The following KCNK2 variants were observed in gnomAD, a reference collection of about 807,000 sequenced individuals.
KCNK2 encodes potassium channel subfamily K member 2.
KCNK2 carries 21 observed loss-of-function variants against 40.5 expected under a neutral mutation model. The ratio of observed to expected loss-of-function variants is 0.52; its 90% CI spans 0.37 to 0.75. The LOEUF (loss-of-function observed/expected upper bound fraction) is 0.75, where lower values mean the gene tolerates loss of function less well. Among genes scored for constraint, KCNK2 ranks in the 30% least tolerant of loss-of-function variants. The pLI is 0.00. For synonymous variants in KCNK2, 191 were observed against 202.2 expected (o/e 0.94, Z 0.47); for missense variants, 399 against 531.6 (o/e 0.75, Z 2.45).
chr1:215,174,313 C>T (rs1038116052), intron 5 of KCNK2, among the ~76,000 whole-genome samples: 107 of 152,222 alleles, frequency 7.0e-4, no homozygotes, highest in African/African-American at 2.4e-3. Flanking sequence ...GGGCTCTGTT[C>T]TGTTTCATTG....
intron 6 of KCNK2, among the ~76,000 whole-genome samples, chr1:215,201,311 T>A (rs1036148640): frequency 2.6e-5 from 4 of 152,120 alleles, no homozygotes; most frequent in African/African-American, 9.7e-5. Context: ...AATCGATGAA[T>A]AAAGTAACTA....
chr1:215,103,029 A>T (rs1265448176), intron 2 of KCNK2, among the ~76,000 whole-genome samples: 1 of 152,022 alleles, frequency 6.6e-6, no homozygotes, highest in Non-Finnish European at 1.5e-5. Context: ...AGAAATGTTT[A>T]TGAAAGTTGG....
chr1:215,147,213 C>G (rs1662458849), intron 3 of KCNK2, among the ~76,000 whole-genome samples: 1 of 152,130 alleles, frequency 6.6e-6, no homozygotes, highest in South Asian at 2.1e-4. Context: ...AACCTTGCAT[C>G]TATGACAGGG....
chr1:215,020,120 T>A (rs1035206565), intron 1 of KCNK2, among the ~76,000 whole-genome samples: 1 of 152,162 alleles, frequency 6.6e-6, no homozygotes, highest in Non-Finnish European at 1.5e-5. Context: ...AAACCTTTGG[T>A]AATTCGTTAG....
intron 1 of KCNK2, among the ~76,000 whole-genome samples, chr1:215,060,979 A>G (rs1350615614): frequency 6.6e-6 from 1 of 152,188 alleles, no homozygotes; most frequent in Non-Finnish European, 1.5e-5. Flanking sequence ...TGGATCACAC[A>G]ACTGTATTTT....
chr1:215,168,887 A>G (rs1017375904), intron 3 of KCNK2, among the ~76,000 whole-genome samples: 2 of 152,088 alleles, frequency 1.3e-5, no homozygotes, highest in African/African-American at 2.4e-5. Context: ...AAAAAGAAAT[A>G]TTTAATGAAA....
At chr1:215,105,199 G>A (rs1378949103) in intron 2 of KCNK2, among the ~76,000 whole-genome samples, 2 of 152,088 alleles carry the variant, frequency 1.3e-5, no homozygotes, top group African/African-American at 4.8e-5. Flanking sequence ...TTGCATGACT[G>A]AAACCCTATA....
chr1:215,083,201 C>CCCCCCCCCCCCCCCCT lies in KCNK2; in HGVS notation c.-183_-182insCCCCCCCCCCCCCTCC, dbSNP rs1659252674. ...TTTCGTTTCTTCTCACGCTCCCCCC[C>CCCCCCCCCCCCCCCCT]CCGCCCCCTCCCGCGTCCAGCCCCG... is the stretch of plus-strand genomic sequence containing the variant. On this transcript the variant is annotated 5_prime_UTR_variant, in exon 1 of 7. Transcript: ENST00000444842. 15 of 753,778 alleles carry CCCCCCCCCCCCCCCCT rather than the reference C, an allele frequency of 2.0e-5. No individual in the cohort carries two copies. Among genetic ancestry groups the CCCCCCCCCCCCCCCCT allele is most frequent in the Admixed American group, 7.0e-5 (3 of 42,948 alleles). 46.7% of individuals were successfully genotyped at this position (753,778 alleles called of 1,614,324 possible). A position where few individuals can be genotyped will look rare whatever the true frequency, so the allele number is the denominator to read the frequency against.
intron 2 of KCNK2, among the ~76,000 whole-genome samples, chr1:215,111,150 C>T (rs1036059574): frequency 6.6e-6 from 1 of 152,068 alleles, no homozygotes; most frequent in Non-Finnish European, 1.5e-5. Flanking sequence ...TTCTGCATGT[C>T]TTTTCATGTA....
intron 3 of KCNK2, among the ~76,000 whole-genome samples, chr1:215,164,064 T>G (rs1663329418): frequency 1.3e-5 from 2 of 152,196 alleles, no homozygotes. Flanking sequence ...TTTTTTCGAT[T>G]GGTAGGCTAT....
intron 1 of KCNK2, among the ~76,000 whole-genome samples, chr1:215,057,075 T>C (rs2102504386): frequency 6.6e-6 from 1 of 152,326 alleles, no homozygotes; most frequent in East Asian, 1.9e-4. Context: ...TTTAAATGTA[T>C]ACACTGCTAC....
chr1:215,059,016 AGTGTATGTATGTATGTGT>A (rs1658262713), intron 1 of KCNK2, among the ~76,000 whole-genome samples: 1 of 150,424 alleles, frequency 6.6e-6, no homozygotes, highest in African/African-American at 2.4e-5. Context: ...GTTGTGTGTG[AGTGTATGTATGTATGTGT>A]GTGTGTATGC....
At chr1:215,112,293 A>T (rs1355442362) in intron 2 of KCNK2, among the ~76,000 whole-genome samples, 1 of 151,702 alleles carries the variant, frequency 6.6e-6, no homozygotes, top group Non-Finnish European at 1.5e-5. Flanking sequence ...GTGCAGGCCT[A>T]GGATGATTTG....
chr1:215,175,577 G>C (rs1036634368), intron 5 of KCNK2, among the ~76,000 whole-genome samples: 1 of 151,922 alleles, frequency 6.6e-6, no homozygotes, highest in Admixed American at 6.6e-5. Context: ...GAGGTTTGGG[G>C]TAAGATTGAT....
intron 3 of KCNK2, among the ~76,000 whole-genome samples, chr1:215,158,192 C>T (rs1393518931): frequency 6.6e-6 from 1 of 152,176 alleles, no homozygotes; most frequent in Admixed American, 6.5e-5. Context: ...TCTTAGGTCT[C>T]TCTTCTGTTG....
chr1:215,171,102 G>T (rs4655277), intron 4 of KCNK2, among the ~76,000 whole-genome samples: 109,317 of 151,986 alleles, frequency 0.72, 39,669 homozygotes, highest in African/African-American at 0.73. Context: ...GTGATTTTCA[G>T]ATGGTGTAGT....
intron 3 of KCNK2, among the ~76,000 whole-genome samples, chr1:215,136,170 A>T (rs1453709965): frequency 2.0e-5 from 3 of 152,066 alleles, no homozygotes; most frequent in African/African-American, 7.2e-5. Flanking sequence ...ACCCCGGTTC[A>T]CTTCAACCTC....
At chr1:215,229,745 C>A (rs1273859776) in intron 6 of KCNK2, among the ~76,000 whole-genome samples, 2 of 151,788 alleles carry the variant, frequency 1.3e-5, no homozygotes, top group Non-Finnish European at 2.9e-5. Flanking sequence ...AGATGAGTTG[C>A]CCAAGTGCAC....
upstream of KCNK2, among the ~76,000 whole-genome samples, chr1:215,082,450 G>A (rs1659199645): frequency 1.3e-5 from 2 of 152,164 alleles, no homozygotes; most frequent in African/African-American, 4.8e-5. Context: ...AACGCTGGTC[G>A]GGAAGGAGAT....
Sources: gnomAD v4.1 joint callset for allele counts (sites outside exome capture counted in the v4.1 genomes callset) on GRCh38, gnomAD v4.1.1 for gene constraint, MANE v1.5 for transcripts, NCBI Gene and HGNC (gene_info 2026-07-23, HGNC 2026-07-21) for gene names.